The following SMOC1 variants were observed in gnomAD, a reference collection of about 807,000 sequenced individuals.
SMOC1 encodes the protein SPARC-related modular calcium-binding protein 1.
A neutral mutation model predicts 56.3 loss-of-function variants in SMOC1; 22 were observed. That is an observed-to-expected ratio of 0.39 (90% confidence interval 0.28 to 0.56). SMOC1 has a LOEUF of 0.56. SMOC1 is among the 20% of genes least tolerant of loss of function. The pLI is 0.61. For synonymous variants in SMOC1, 193 were observed against 215.0 expected, an observed-to-expected ratio of 0.90 and a Z score of 0.89; for missense variants, 509 against 565.4, an observed-to-expected ratio of 0.90 and a Z score of 1.01.
chr14:70,011,456 C>CCCCCCCCCCCCCA, intron 8 of SMOC1, 29 bp from the exon 9 acceptor site: 1 of 1,347,208 alleles, frequency 7.4e-7, no homozygotes, highest in Non-Finnish European at 1.1e-6. Context: ...CAGCCCCTCC[C>CCCCCCCCCCCCCA]AACCCCCCCC....
At position 69,982,417 on chromosome 14, in the gene SMOC1, G is replaced by C. The variant is rs1594837405; in HGVS notation, c.526+4452G>C. 2.6e-5 allele frequency among the ~76,000 whole-genome samples: 4 copies of C among 152,302 alleles called. No individual in the cohort carries two copies. In the South Asian group the frequency reaches 8.3e-4, roughly 32 times the overall value. On this transcript the variant is annotated intron_variant, in intron 5 of 11. Transcript: ENST00000361956. ...GTCCCTGTCTGTATCTCTATTTTTAGAGCTGGGTCTACAGGTTGTTGCCAA... is the reference window on the plus strand; with the variant it reads ...GTCCCTGTCTGTATCTCTATTTTTACAGCTGGGTCTACAGGTTGTTGCCAA...
At chr14:70,028,264 A>G (rs1263203307) in intron 11 of SMOC1, among the ~76,000 whole-genome samples, 2 of 152,112 alleles carry the variant, frequency 1.3e-5, no homozygotes, top group Non-Finnish European at 2.9e-5. Flanking sequence ...GGTGGGGTCT[A>G]GTGCCTCCTT....
intron 10 of SMOC1, among the ~76,000 whole-genome samples, chr14:70,021,091 G>GAGCT (rs1363743855): frequency 6.6e-6 from 1 of 152,176 alleles, no homozygotes; most frequent in Admixed American, 6.5e-5. Context: ...GTTAAAGGAA[G>GAGCT]AGCTGCCTTT....
intron 11 of SMOC1, among the ~76,000 whole-genome samples, chr14:70,028,771 G>A (rs1175044082): frequency 6.6e-6 from 1 of 152,208 alleles, no homozygotes; most frequent in Admixed American, 6.5e-5. Context: ...CTGCCTTGGG[G>A]CTGTCACCTT....
At chr14:69,967,053 A>G (rs966175988) in intron 3 of SMOC1, among the ~76,000 whole-genome samples, 1 of 152,188 alleles carries the variant, frequency 6.6e-6, no homozygotes, top group African/African-American at 2.4e-5. Flanking sequence ...GGTCATGAGC[A>G]GGCTGGGGAA....
intron 10 of SMOC1, among the ~76,000 whole-genome samples, chr14:70,015,284 G>C (rs888211637): frequency 2.0e-5 from 3 of 152,116 alleles, no homozygotes; most frequent in Non-Finnish European, 4.4e-5. Context: ...CCAGGGGTTT[G>C]GGGAGTTGCT....
chr14:70,027,669 C>G (rs186436558), intron 11 of SMOC1, among the ~76,000 whole-genome samples: 10 of 152,304 alleles, frequency 6.6e-5, no homozygotes, highest in Admixed American at 5.9e-4. Flanking sequence ...GATCTTTAAT[C>G]CTTGGCAAGT....
chr14:70,000,216 G>A (rs1884916933), intron 7 of SMOC1, among the ~76,000 whole-genome samples: 1 of 152,090 alleles, frequency 6.6e-6, no homozygotes, highest in Non-Finnish European at 1.5e-5. Flanking sequence ...TCATGTTTTG[G>A]GGAGTAAAGA....
intron 2 of SMOC1, among the ~76,000 whole-genome samples, chr14:69,953,158 T>C (rs1883064947): frequency 1.3e-5 from 2 of 152,072 alleles, no homozygotes; most frequent in Admixed American, 6.6e-5. Context: ...CATTTTTTTT[T>C]CTATGGGGCC....
At chr14:69,896,590 G>C (rs1296175283) in intron 1 of SMOC1, among the ~76,000 whole-genome samples, 1 of 152,166 alleles carries the variant, frequency 6.6e-6, no homozygotes, top group African/African-American at 2.4e-5. Context: ...AAAGCTAAAA[G>C]AATACCATCA....
chr14:69,905,304 G>A (rs1275845), intron 1 of SMOC1, among the ~76,000 whole-genome samples: 150,647 of 152,020 alleles, frequency 0.99, 74,660 homozygotes, highest in South Asian at 1. Flanking sequence ...GGGAACGCAT[G>A]TGCAAAGGCA....
chr14:69,990,852 G>C (rs1884541358), intron 5 of SMOC1, among the ~76,000 whole-genome samples: 1 of 152,138 alleles, frequency 6.6e-6, no homozygotes, highest in African/African-American at 2.4e-5. Context: ...GTTGGGTCTT[G>C]GTGTCAGTAC....
At chr14:69,999,641 G>A (rs1162902879) in intron 7 of SMOC1, among the ~76,000 whole-genome samples, 2 of 152,126 alleles carry the variant, frequency 1.3e-5, no homozygotes, top group African/African-American at 4.8e-5. Context: ...GGTCAATCAT[G>A]GCCAGTAGAA....
At chr14:69,881,640 C>T (rs780537201) in intron 1 of SMOC1, among the ~76,000 whole-genome samples, 7 of 151,730 alleles carry the variant, frequency 4.6e-5, no homozygotes, top group Non-Finnish European at 1.0e-4. Flanking sequence ...TCTTTTTTTC[C>T]CTCTTTCTCT....
chr14:69,918,984 T>C (rs1355617179), intron 1 of SMOC1, among the ~76,000 whole-genome samples: 2 of 151,982 alleles, frequency 1.3e-5, no homozygotes, highest in Non-Finnish European at 2.9e-5. Flanking sequence ...GTTTTTTTGT[T>C]TGTTTGTTTG....
intron 1 of SMOC1, among the ~76,000 whole-genome samples, chr14:69,929,079 G>C (rs920823538): frequency 5.3e-5 from 8 of 152,200 alleles, no homozygotes; most frequent in African/African-American, 1.9e-4. Context: ...CTTGCAAGCT[G>C]CATAGGAAGA....
chr14:69,931,423 T>C (rs1885163378), intron 1 of SMOC1, among the ~76,000 whole-genome samples: 1 of 152,244 alleles, frequency 6.6e-6, no homozygotes, highest in African/African-American at 2.4e-5. Flanking sequence ...AGGCGGGCAG[T>C]GTATAGCTCT....
chr14:69,974,399 G>T (rs548487055), intron 3 of SMOC1, among the ~76,000 whole-genome samples: 2 of 152,300 alleles, frequency 1.3e-5, no homozygotes, highest in South Asian at 4.2e-4. Context: ...CAAATGGAAT[G>T]GTTGGAGCAA....
intron 3 of SMOC1, among the ~76,000 whole-genome samples, chr14:69,969,083 C>G (rs913646947): frequency 6.6e-6 from 1 of 152,150 alleles, no homozygotes; most frequent in Admixed American, 6.5e-5. Context: ...AACTGAGAGC[C>G]TGATATCTAG....
Sources: gnomAD v4.1 joint callset for allele counts (sites outside exome capture counted in the v4.1 genomes callset) on GRCh38, gnomAD v4.1.1 for gene constraint, MANE v1.5 for transcripts, NCBI Gene and HGNC (gene_info 2026-07-23, HGNC 2026-07-21) for gene names.